Variants in CADM2 observed in about 807,000 individuals in gnomAD.
CADM2 encodes immunoglobulin superfamily member 4D.
CADM2 carries 12 observed loss-of-function variants against 49.8 expected under a neutral mutation model. The observed-to-expected ratio is 0.24, with a 90% CI of 0.15 to 0.39. CADM2 has a LOEUF of 0.39. CADM2 is among the 10% of genes least tolerant of loss of function. The pLI, the probability that CADM2 is intolerant of heterozygous loss-of-function variation, is 1.00. For synonymous variants in CADM2, 214 were observed against 175.4 expected, an observed-to-expected ratio of 1.22 and a Z score of -1.74; for missense variants, 378 against 492.3, an observed-to-expected ratio of 0.77 and a Z score of 2.20.
At chr3:86,034,351 T>C (rs1405323822) in intron 8 of CADM2, among the ~76,000 whole-genome samples, 2 of 151,952 alleles carry the variant, frequency 1.3e-5, no homozygotes, top group African/African-American at 4.8e-5. Flanking sequence ...GTCATGAAGG[T>C]GGTGCCCTCA....
chr3:85,813,754 T>C (rs997178873), intron 3 of CADM2, among the ~76,000 whole-genome samples: 15 of 152,202 alleles, frequency 9.9e-5, no homozygotes, highest in Non-Finnish European at 1.9e-4. Context: ...GTTTTCTGTA[T>C]ATGGCTAGTC....
intron 7 of CADM2, among the ~76,000 whole-genome samples, chr3:85,938,755 G>T (rs1185942560): frequency 1.3e-5 from 2 of 151,590 alleles, no homozygotes; most frequent in Non-Finnish European, 2.9e-5. Flanking sequence ...AGCTTACTTA[G>T]TATACTTAAT....
chr3:85,889,150 T>G (rs182722701), intron 5 of CADM2, among the ~76,000 whole-genome samples: 9 of 152,280 alleles, frequency 5.9e-5, no homozygotes, highest in Admixed American at 5.9e-4. Context: ...ATCAAACATG[T>G]TATGGAGAAT....
chr3:85,920,584 G>GT (rs1173364341), intron 6 of CADM2, among the ~76,000 whole-genome samples: 1 of 151,596 alleles, frequency 6.6e-6, no homozygotes, highest in Non-Finnish European at 1.5e-5. Context: ...TTTCAGAGAA[G>GT]TTACATTTAT....
chr3:85,187,341 T>G (rs1185033142), intron 1 of CADM2, among the ~76,000 whole-genome samples: 1 of 152,162 alleles, frequency 6.6e-6, no homozygotes, highest in East Asian at 1.9e-4. Context: ...ACATTGAAAG[T>G]TTAAAACAAT....
chr3:85,380,171 C>A (rs929803261), intron 1 of CADM2, among the ~76,000 whole-genome samples: 3 of 151,796 alleles, frequency 2.0e-5, no homozygotes, highest in Non-Finnish European at 4.4e-5. Flanking sequence ...AAGTTAAGAG[C>A]ATAAAATATT....
intron 7 of CADM2, among the ~76,000 whole-genome samples, chr3:85,947,654 A>G (rs1250810848): frequency 1.3e-5 from 2 of 151,464 alleles, no homozygotes; most frequent in Admixed American, 6.6e-5. Context: ...TTAATCACAC[A>G]TTGACTCGCT....
intron 8 of CADM2, among the ~76,000 whole-genome samples, chr3:85,964,631 T>G (rs1341806380): frequency 1.3e-5 from 2 of 151,758 alleles, no homozygotes; most frequent in Non-Finnish European, 2.9e-5. Context: ...GTAATTTAAC[T>G]GCCAGTCTAA....
At chr3:85,681,200 C>T (rs1018541673) in intron 1 of CADM2, among the ~76,000 whole-genome samples, 10 of 152,064 alleles carry the variant, frequency 6.6e-5, no homozygotes, top group African/African-American at 2.4e-4. Flanking sequence ...CTATTAAAAA[C>T]AATTTACATT....
At chr3:86,051,975 A>C (rs193146338) in intron 8 of CADM2, among the ~76,000 whole-genome samples, 1 of 152,042 alleles carries the variant, frequency 6.6e-6, no homozygotes. Context: ...TTCAAAAAAA[A>C]ACTTTGTTAT....
At chr3:85,873,740 T>G (rs1449152145) in intron 3 of CADM2, among the ~76,000 whole-genome samples, 1 of 152,274 alleles carries the variant, frequency 6.6e-6, no homozygotes, top group East Asian at 1.9e-4. Flanking sequence ...AAATGATAAT[T>G]TTTAAAATTT....
chr3:85,662,040 A>G (rs2065424153), intron 1 of CADM2, among the ~76,000 whole-genome samples: 1 of 151,892 alleles, frequency 6.6e-6, no homozygotes, highest in South Asian at 2.1e-4. Flanking sequence ...TTCTTTTGGG[A>G]CTTTTAAAAG....
At chr3:85,937,450 C>T (rs959241077) in intron 7 of CADM2, among the ~76,000 whole-genome samples, 1 of 151,790 alleles carries the variant, frequency 6.6e-6, no homozygotes, top group Non-Finnish European at 1.5e-5. Context: ...AACTAAGGCT[C>T]AAAACTTTTC....
intron 1 of CADM2, among the ~76,000 whole-genome samples, chr3:85,268,367 A>G (rs2043165844): frequency 6.6e-6 from 1 of 151,490 alleles, no homozygotes; most frequent in Non-Finnish European, 1.5e-5. Context: ...CATATTTGTG[A>G]CATTTATTAA....
At chr3:85,825,948 A>G (rs1231482918) in intron 3 of CADM2, among the ~76,000 whole-genome samples, 2 of 152,004 alleles carry the variant, frequency 1.3e-5, no homozygotes, top group Non-Finnish European at 2.9e-5. Flanking sequence ...TGTTCTCCAT[A>G]AATGTAGATT....
chr3:85,197,025 C>T (rs767548548), intron 1 of CADM2, among the ~76,000 whole-genome samples: 2 of 151,836 alleles, frequency 1.3e-5, no homozygotes, highest in Non-Finnish European at 2.9e-5. Flanking sequence ...TAGGGAAAAC[C>T]TTTGCTACGT....
intron 1 of CADM2, among the ~76,000 whole-genome samples, chr3:85,007,156 T>C (rs549791935): frequency 2.6e-5 from 4 of 152,282 alleles, no homozygotes; most frequent in African/African-American, 9.6e-5. Context: ...TTGATTAAAA[T>C]ACTTTTAGTT....
intron 1 of CADM2, among the ~76,000 whole-genome samples, chr3:85,007,406 G>A (rs1377922087): frequency 6.6e-6 from 1 of 152,136 alleles, no homozygotes; most frequent in African/African-American, 2.4e-5. Flanking sequence ...GTGTGTCTGT[G>A]TTCCAATAAA....
chr3:85,807,882 A>G (rs1373755832), intron 3 of CADM2, among the ~76,000 whole-genome samples: 1 of 152,102 alleles, frequency 6.6e-6, no homozygotes, highest in Non-Finnish European at 1.5e-5. Context: ...TCAAATATTC[A>G]ATAAATGATT....
Sources: allele counts gnomAD v4.1 joint callset (sites outside exome capture counted in the v4.1 genomes callset), GRCh38; gene constraint gnomAD v4.1.1; transcripts MANE v1.5; gene names NCBI Gene and HGNC (gene_info 2026-07-23, HGNC 2026-07-21).